POLR1A: variants seen among roughly 807,000 people sequenced by gnomAD.
POLR1A encodes the protein RNA polymerase I subunit A.
A neutral mutation model predicts 205.3 loss-of-function variants in POLR1A; 84 were observed. The observed-to-expected ratio is 0.41, with a 90% CI of 0.34 to 0.49. POLR1A has a LOEUF of 0.49. POLR1A is among the 20% of genes least tolerant of loss of function. The pLI is 0.22. For synonymous variants in POLR1A, 799 were observed against 863.7 expected (o/e 0.93, Z 1.31); for missense variants, 1,645 against 2,204.5 (o/e 0.75, Z 5.08).
intron 8 of POLR1A, among the ~76,000 whole-genome samples, chr2:86,081,371 G>C (rs1234913858): frequency 6.6e-6 from 1 of 152,074 alleles, no homozygotes; most frequent in African/African-American, 2.4e-5. Flanking sequence ...ACTCCAGCCT[G>C]GGAGACAGTG....
At chr2:86,035,837 C>T (rs2104384443) in intron 27 of POLR1A, among the ~76,000 whole-genome samples, 1 of 152,336 alleles carries the variant, frequency 6.6e-6, no homozygotes, top group South Asian at 2.1e-4. Context: ...TTCTGCCTTC[C>T]CTGCCTCTTT....
chr2:86,045,876 A>G (rs1313943758), intron 19 of POLR1A, 107 bp from the exon 20 acceptor site: 10 of 976,268 alleles, frequency 1.0e-5, no homozygotes, highest in Non-Finnish European at 1.5e-5. Flanking sequence ...AGCTGCATGG[A>G]AACCGAGTTC....
Position 86,099,972 on chromosome 2 carries a change from A to G in POLR1A, c.278T>C (p.Phe93Ser), listed in dbSNP as rs1673782655. Residue 93 changes from phenylalanine (F) to serine (S), a missense_variant, in exon 2 of 34, where the codon TTC becomes TCC. Around this residue, in one of 16 missense-constraint regions of POLR1A, gnomAD observed 330 missense variants for 375.6 expected, o/e 0.88. Transcript: ENST00000263857. ...LPLTVYNPLL[F>S]DKLYLLLRGS... ...CACAACTAAGGCAGCACTTACATCGAAGAGGAGAGGGTTATACACTGTGAG... is the reference window on the plus strand; with the variant it reads ...CACAACTAAGGCAGCACTTACATCGGAGAGGAGAGGGTTATACACTGTGAG... 2 of 1,613,624 alleles carry G rather than the reference A, an allele frequency of 1.2e-6. No individual in the cohort carries two copies. Among genetic ancestry groups the G allele is most frequent in the Non-Finnish European group, 8.5e-7 (1 of 1,179,698 alleles).
intron 24 of POLR1A, among the ~76,000 whole-genome samples, chr2:86,040,855 G>A (rs1672587625): frequency 6.6e-6 from 1 of 152,210 alleles, no homozygotes; most frequent in South Asian, 2.1e-4. Context: ...GTTACCACAA[G>A]CCCCCTAAGC....
At position 86,020,241 on chromosome 2, in the gene POLR1A, A is replaced by G. The variant is rs1690103003; in HGVS notation, c.*7182T>C. ...TGTGAAAAGATGCTTAGATTTATTA[A>G]TAGAGAATTGCAAACTGAAGTACAA... On this transcript the variant is annotated 3_prime_UTR_variant, in exon 34 of 34. Transcript: ENST00000263857. 2 of 152,214 alleles carry G rather than the reference A, an allele frequency of 1.3e-5. No individual in the cohort carries two copies. Among genetic ancestry groups the G allele is most frequent in the South Asian group, 4.1e-4 (2 of 4,834 alleles). The allele number at this position is 152,214 out of a possible 1,614,324, so 9.4% of individuals were successfully genotyped here. A position where few individuals can be genotyped will look rare whatever the true frequency, so the allele number is the denominator to read the frequency against.
rs755173339 is a variant in POLR1A, at chr2:86,083,113, G to A, written c.786C>T (p.Arg262=). 80 of 1,613,840 alleles carry A rather than the reference G, an allele frequency of 5.0e-5. No individual in the cohort carries two copies. The highest frequency in any genetic ancestry group is 6.1e-5 in the Non-Finnish European group (72 of 1,179,842). ...TCTTCCACAGGGCAGAAAGGTGTTC[G>A]CGGGCACTGGTGGGTGTTAAGTATC... is the stretch of plus-strand genomic sequence containing the variant. ...KRGYLTPTSA[R]EHLSALWKNE... is the part of the protein sequence containing the mutation. The change falls in exon 7 of 34, where the codon CGC becomes CGT. Residue 262 remains arginine, a synonymous_variant. Transcript: ENST00000263857.
rs564652352 is a variant in POLR1A, at chr2:86,028,782, C to G, written c.4780-71G>C. 143 of 1,087,616 alleles carry G rather than the reference C, an allele frequency of 1.3e-4. No homozygotes were observed. The highest frequency in any genetic ancestry group is 1.9e-4 in the Non-Finnish European group (139 of 714,596). 67.4% of individuals were successfully genotyped at this position (1,087,616 alleles called of 1,614,324 possible). ...GCTCCCTTCTGCCTGCGTATCTCCC[C>G]CTGGCCGCTCTCTCTCTCCTTGTGT... On this transcript the variant is annotated intron_variant, in intron 31 of 33. Transcript: ENST00000263857. The surrounding 1 kb of genome is among the most constrained non-coding windows in gnomAD (Gnocchi z 4.5).
chr2:86,058,023 C>T (rs311584), intron 14 of POLR1A, among the ~76,000 whole-genome samples: 136,914 of 152,264 alleles, frequency 0.9, 61,818 homozygotes, highest in East Asian at 0.98. Flanking sequence ...CAGCCTCATA[C>T]TCAGCCTCCC....
chr2:86,048,867 T>A lies in POLR1A; in HGVS notation c.2634+17A>T. ...ATTCATAGTGGTGGGGATAAATGCA[T>A]GCAATGCTGGGCTAACCTTGTTAAT... On this transcript the variant is annotated intron_variant, in intron 18 of 33. Transcript: ENST00000263857. 1 of 1,607,682 alleles carries A rather than the reference T, an allele frequency of 6.2e-7. No individual in the cohort carries two copies.
chr2:86,097,456 G>A (rs1183486057), intron 3 of POLR1A, among the ~76,000 whole-genome samples: 1 of 152,132 alleles, frequency 6.6e-6, no homozygotes, highest in Non-Finnish European at 1.5e-5. Context: ...GGTTATTGCA[G>A]CACTATTCAC....
intron 1 of POLR1A, 152 bp from the exon 2 acceptor site, chr2:86,100,324 C>T: frequency 1.6e-6 from 1 of 642,106 alleles, no homozygotes; most frequent in Non-Finnish European, 2.8e-6. Context: ...TGTACCCCAA[C>T]ACTAAGTGCA....
intron 33 of POLR1A, 73 bp from the exon 34 acceptor site, chr2:86,027,596 C>T: frequency 1.5e-6 from 2 of 1,309,920 alleles, no homozygotes; most frequent in Non-Finnish European, 2.2e-6. Context: ...GATTATGGGG[C>T]TGAACACTGA....
chr2:86,048,755 C>T (rs1221179943), intron 18 of POLR1A, 129 bp downstream of exon 18: 9 of 783,424 alleles, frequency 1.1e-5, no homozygotes, highest in African/African-American at 1.7e-5. Context: ...CATCCCACCT[C>T]GCATCTCACC....
intron 29 of POLR1A, among the ~76,000 whole-genome samples, chr2:86,031,854 G>C (rs1242315162): frequency 6.6e-6 from 1 of 152,174 alleles, no homozygotes; most frequent in South Asian, 2.1e-4. Context: ...CCCTCACAGA[G>C]GTGGAGCTCA....
At chr2:86,102,662 T>G (rs1426592929) in intron 1 of POLR1A, among the ~76,000 whole-genome samples, 4 of 152,238 alleles carry the variant, frequency 2.6e-5, no homozygotes, top group Non-Finnish European at 5.9e-5. Flanking sequence ...TTGGGATGAT[T>G]AGAAGATAAC....
At chr2:86,032,679 TAGA>T (rs1426807095) in intron 28 of POLR1A, among the ~76,000 whole-genome samples, 3 of 152,348 alleles carry the variant, frequency 2.0e-5, no homozygotes, top group Admixed American at 6.5e-5. Flanking sequence ...CTTGCTTTCT[TAGA>T]AGAAGATGGT....
rs914343435 is a variant in POLR1A at position 86,021,512 on chromosome 2, ACT to A, written c.*5909_*5910del. ...CAAGTACCTCCCCACTGTCCTCTCC[ACT>A]CTGTCCTTCCTACAAAGCACCCTCT... On this transcript the variant is annotated 3_prime_UTR_variant, in exon 34 of 34. Coordinates refer to ENST00000263857, the MANE Select transcript of POLR1A (RefSeq NM_015425.6). The A allele has an allele frequency of 2.0e-5, 3 of 152,162 alleles. No homozygotes were observed. Among genetic ancestry groups the A allele is most frequent in the Non-Finnish European group, 4.4e-5 (3 of 68,130 alleles). 9.4% of individuals were successfully genotyped at this position (152,162 alleles called of 1,614,324 possible).
At chr2:86,039,195 G>C in intron 26 of POLR1A, 132 bp downstream of exon 26, 3 of 998,112 alleles carry the variant, frequency 3.0e-6, no homozygotes, top group Non-Finnish European at 4.5e-6. Context: ...ACCTGGCAGA[G>C]ACAGCTTATC....
At chr2:86,079,472 G>A (rs991074119) in intron 9 of POLR1A, among the ~76,000 whole-genome samples, 3 of 152,190 alleles carry the variant, frequency 2.0e-5, no homozygotes, top group African/African-American at 7.2e-5. Flanking sequence ...TCAATCACAA[G>A]GAAAGAGGGC....
Sources: gnomAD v4.1 joint callset for allele counts (sites outside exome capture counted in the v4.1 genomes callset) on GRCh38, gnomAD v4.1.1 for gene constraint, gnomAD v4.1.1 regional missense constraint, Gnocchi (gnomAD v3.1) non-coding constraint, MANE v1.5 for transcripts, NCBI Gene and HGNC (gene_info 2026-07-23, HGNC 2026-07-21) for gene names.